The following CACNA2D3 variants were observed in gnomAD, a reference collection of about 807,000 sequenced individuals.
The protein encoded by CACNA2D3 is calcium voltage-gated channel auxiliary subunit alpha2delta 3.
A neutral mutation model predicts 160.6 loss-of-function variants in CACNA2D3; 60 were observed. The observed-to-expected ratio is 0.37, with a 90% CI of 0.30 to 0.46. CACNA2D3 has a LOEUF of 0.46. Ranked by LOEUF, CACNA2D3 falls within the 20% of genes least tolerant of loss-of-function variation. The probability of loss-of-function intolerance (pLI) is 1.00; values close to 1 mark genes in which losing one functional copy is unlikely to be tolerated. For synonymous variants in CACNA2D3, 558 were observed against 492.9 expected, an observed-to-expected ratio of 1.13 and a Z score of -1.75; for missense variants, 1,205 against 1,365.0, an observed-to-expected ratio of 0.88 and a Z score of 1.85.
chr3:54,637,223 G>A (rs567477915), intron 10 of CACNA2D3, among the ~76,000 whole-genome samples: 41 of 151,988 alleles, frequency 2.7e-4, no homozygotes, highest in Non-Finnish European at 3.7e-4. Context: ...AGTGTGCTGC[G>A]GGATGGGATA....
At chr3:54,950,919 G>A (rs1328907921) in intron 27 of CACNA2D3, among the ~76,000 whole-genome samples, 1 of 152,182 alleles carries the variant, frequency 6.6e-6, no homozygotes, top group Non-Finnish European at 1.5e-5. Flanking sequence ...AAATAAAGAG[G>A]ATACTCTCTG....
intron 13 of CACNA2D3, among the ~76,000 whole-genome samples, chr3:54,765,656 G>A (rs1470119782): frequency 2.0e-5 from 3 of 152,152 alleles, no homozygotes; most frequent in African/African-American, 7.2e-5. Context: ...AAATCACTCA[G>A]TGGTTTTGTG....
intron 3 of CACNA2D3, among the ~76,000 whole-genome samples, chr3:54,332,140 C>T (rs1209098626): frequency 6.6e-6 from 1 of 152,216 alleles, no homozygotes; most frequent in African/African-American, 2.4e-5. Context: ...TCAACAACAA[C>T]ACAAAGAGCT....
intron 2 of CACNA2D3, among the ~76,000 whole-genome samples, chr3:54,243,660 A>C (rs1443492798): frequency 6.6e-6 from 1 of 152,236 alleles, no homozygotes; most frequent in African/African-American, 2.4e-5. Flanking sequence ...ACAAAACAAA[A>C]TGTCCCCTCC....
chr3:54,572,926 A>G (rs1036650912), intron 8 of CACNA2D3, among the ~76,000 whole-genome samples: 1 of 152,244 alleles, frequency 6.6e-6, no homozygotes, highest in Admixed American at 6.5e-5. Flanking sequence ...AACAAAACCA[A>G]TCGATTGAAA....
At chr3:54,987,440 T>G (rs1189239400) in intron 30 of CACNA2D3, among the ~76,000 whole-genome samples, 1 of 152,156 alleles carries the variant, frequency 6.6e-6, no homozygotes, top group African/African-American at 2.4e-5. Context: ...GTGTTTTAAT[T>G]TCAGCATTCA....
chr3:54,407,136 C>G (rs1257287774), intron 4 of CACNA2D3, among the ~76,000 whole-genome samples: 1 of 152,074 alleles, frequency 6.6e-6, no homozygotes, highest in African/African-American at 2.4e-5. Flanking sequence ...TTCCTGAGTT[C>G]TTACCAAGCT....
chr3:54,479,663 C>T (rs939731091), intron 4 of CACNA2D3, among the ~76,000 whole-genome samples: 2 of 152,250 alleles, frequency 1.3e-5, no homozygotes, highest in South Asian at 4.1e-4. Flanking sequence ...GAGAAGGCTA[C>T]ACATTAGTCT....
At chr3:55,036,624 C>T (rs1296466838) in intron 35 of CACNA2D3, among the ~76,000 whole-genome samples, 1 of 151,656 alleles carries the variant, frequency 6.6e-6, no homozygotes, top group African/African-American at 2.4e-5. Context: ...TGTGCCACCA[C>T]GCCCAACTAG....
intron 4 of CACNA2D3, among the ~76,000 whole-genome samples, chr3:54,430,744 AG>A (rs1699977868): frequency 6.6e-6 from 1 of 152,190 alleles, no homozygotes; most frequent in Admixed American, 6.5e-5. Context: ...CTGTCATTGG[AG>A]GGTTCCTCTA....
chr3:54,528,220 C>G (rs1217074981), intron 5 of CACNA2D3, among the ~76,000 whole-genome samples: 1 of 151,688 alleles, frequency 6.6e-6, no homozygotes, highest in African/African-American at 2.4e-5. Flanking sequence ...TGAGTCACAG[C>G]CCTGATACTT....
chr3:54,384,065 C>T (rs1301256723), intron 3 of CACNA2D3, among the ~76,000 whole-genome samples: 1 of 152,044 alleles, frequency 6.6e-6, no homozygotes, highest in Admixed American at 6.5e-5. Flanking sequence ...CTATTATTTT[C>T]ATCCTGTTCT....
In CACNA2D3 at chr3:54,984,651, T is replaced by C; in HGVS notation, c.2600T>C (p.Val867Ala). 6.4e-7 allele frequency: 1 copy of C among 1,563,860 alleles called. No individual in the cohort carries two copies. The highest frequency in any genetic ancestry group is 1.2e-5 in the South Asian group (1 of 84,812). Residue 867 changes from valine to alanine, a missense_variant, in exon 30 of 38, where the codon GTG becomes GCG. Around this residue, in one of 3 missense-constraint regions of CACNA2D3, gnomAD observed 911 missense variants for 1,002.2 expected, o/e 0.91. Coordinates refer to ENST00000474759, the MANE Select transcript of CACNA2D3 (RefSeq NM_018398.3). Reference protein sequence around the residue: ...YLIDNNGFILVSEDYTQTGDF... With the variant: ...YLIDNNGFILASEDYTQTGDF... ...ATAGACAATAATGGATTTATTTTGG[T>C]GTCTGAAGACTACACACAGGTGAGT...
rs181784473 is a variant in CACNA2D3, at chr3:54,267,010, A to G, written c.205-53432A>G. Among the ~76,000 whole-genome samples, 148 of 152,274 alleles carry G rather than the reference A, an allele frequency of 9.7e-4. 6 individuals are homozygous for G. In the East Asian group the frequency reaches 0.025, roughly 26 times the overall value. On this transcript the variant is annotated intron_variant, in intron 2 of 37. Transcript: ENST00000474759. ...CAGTTTGTATACATTTTAATGTGAAATGGGGGGAGGCTGTAACTAGTATAA... is the reference window on the plus strand; with the variant it reads ...CAGTTTGTATACATTTTAATGTGAAGTGGGGGGAGGCTGTAACTAGTATAA...
intron 4 of CACNA2D3, among the ~76,000 whole-genome samples, chr3:54,403,286 C>G (rs576587906): frequency 6.6e-6 from 1 of 151,030 alleles, no homozygotes; most frequent in African/African-American, 2.4e-5. Flanking sequence ...ACCTGGGAGG[C>G]AGAGGTTTCA....
intron 29 of CACNA2D3, among the ~76,000 whole-genome samples, chr3:54,981,676 C>A (rs1390266366): frequency 6.6e-6 from 1 of 152,212 alleles, no homozygotes; most frequent in Non-Finnish European, 1.5e-5. Context: ...TGGACCACAG[C>A]CCTGGGAGCC....
chr3:54,124,183 C>T lies in CACNA2D3; in HGVS notation c.204+589C>T, dbSNP rs143747593. Among the ~76,000 whole-genome samples the T allele has an allele frequency of 2.0e-3, 304 of 152,314 alleles. 1 individual carries two copies. The highest frequency in any genetic ancestry group is 7.1e-3 in the African/African-American group (294 of 41,578). Reference sequence around the variant, plus strand: ...GGTAATAACCTATGAGAGTAGTCCACAAACTTAAGAAATGGGTCTGCATCC... The same window carrying T: ...GGTAATAACCTATGAGAGTAGTCCATAAACTTAAGAAATGGGTCTGCATCC... On this transcript the variant is annotated intron_variant, in intron 2 of 37. Coordinates refer to ENST00000474759, the MANE Select transcript of CACNA2D3 (RefSeq NM_018398.3).
intron 3 of CACNA2D3, among the ~76,000 whole-genome samples, chr3:54,352,083 T>A (rs1375194081): frequency 6.6e-6 from 1 of 152,200 alleles, no homozygotes; most frequent in East Asian, 1.9e-4. Context: ...CCCCAGGTGA[T>A]GATAGGCCAG....
chr3:54,342,817 G>A (rs1575405604), intron 3 of CACNA2D3, among the ~76,000 whole-genome samples: 1 of 152,350 alleles, frequency 6.6e-6, no homozygotes, highest in South Asian at 2.1e-4. Flanking sequence ...GATGCTTCCC[G>A]AAGCCTGATC....
Sources: allele counts gnomAD v4.1 joint callset (sites outside exome capture counted in the v4.1 genomes callset), GRCh38; gene constraint gnomAD v4.1.1; regional missense constraint gnomAD v4.1.1; transcripts MANE v1.5; gene names NCBI Gene and HGNC (gene_info 2026-07-23, HGNC 2026-07-21).